The following CNOT4 variants were observed in gnomAD, a reference collection of about 807,000 sequenced individuals.
CNOT4 encodes the protein CCR4-NOT transcription complex subunit 4, also known as CCR4-associated factor 4.
A neutral mutation model predicts 73.8 loss-of-function variants in CNOT4; 8 were observed. The observed-to-expected ratio is 0.11, with a 90% CI of 0.06 to 0.20. The LOEUF (loss-of-function observed/expected upper bound fraction) is 0.20, where lower values mean the gene tolerates loss of function less well. Among genes scored for constraint, CNOT4 ranks in the 10% least tolerant of loss-of-function variants. The pLI is 1.00. For missense variants in CNOT4, 564 were observed against 883.4 expected, an observed-to-expected ratio of 0.64 and a Z score of 4.58; for synonymous variants, 293 against 321.1, an observed-to-expected ratio of 0.91 and a Z score of 0.94.
chr7:135,369,600 TAAAC>T (rs1000212059), intron 10 of CNOT4, among the ~76,000 whole-genome samples: 2 of 152,242 alleles, frequency 1.3e-5, no homozygotes, highest in Non-Finnish European at 2.9e-5. Context: ...TTAGGTTACT[TAAAC>T]AAATCTTTCT....
chr7:135,437,338 C>T (rs555168225), intron 2 of CNOT4, among the ~76,000 whole-genome samples: 86 of 152,120 alleles, frequency 5.7e-4, no homozygotes, highest in Non-Finnish European at 1.1e-3. Flanking sequence ...TATAGGTGCT[C>T]GCCACCACGC....
At chr7:135,386,410 A>C (rs1179695637) in intron 10 of CNOT4, 6 of 148,772 alleles carry the variant, frequency 4.0e-5, no homozygotes, top group Non-Finnish European at 7.4e-5. Flanking sequence ...GGAATTTAAC[A>C]ACAACAACAA....
At chr7:135,387,188 T>C in intron 10 of CNOT4, 5 of 983,884 alleles carry the variant, frequency 5.1e-6, no homozygotes, top group Non-Finnish European at 6.0e-6. Flanking sequence ...ATTGGCATTT[T>C]CCAAATTGGC....
intron 1 of CNOT4, among the ~76,000 whole-genome samples, chr7:135,464,714 C>T (rs1288872950): frequency 1.3e-5 from 2 of 151,556 alleles, no homozygotes; most frequent in Non-Finnish European, 1.5e-5. Flanking sequence ...AAATACAATG[C>T]TAATCAACAT....
chr7:135,390,383 A>G (rs1796338027), intron 10 of CNOT4, among the ~76,000 whole-genome samples: 2 of 152,188 alleles, frequency 1.3e-5, no homozygotes, highest in Admixed American at 1.3e-4. Context: ...TGGACAAAAC[A>G]AAGTCACGTT....
intron 6 of CNOT4, among the ~76,000 whole-genome samples, chr7:135,411,246 G>A (rs1797573523): frequency 6.6e-6 from 1 of 151,944 alleles, no homozygotes; most frequent in South Asian, 2.1e-4. Context: ...TCTAGACCCA[G>A]GGTCAGCAAT....
chr7:135,467,544 C>T (rs1344081872), intron 1 of CNOT4, among the ~76,000 whole-genome samples: 3 of 151,856 alleles, frequency 2.0e-5, no homozygotes, highest in African/African-American at 7.3e-5. Context: ...GACCCCATAT[C>T]CACAAAAATA....
In CNOT4 at chr7:135,398,171, G is replaced by T. The variant is rs1441781037; in HGVS notation, c.877C>A (p.Gln293Lys). The change falls in exon 8 of 12, where the codon CAG becomes AAG. Residue 293 changes from glutamine to lysine, a missense_variant and splice_region_variant. Gln to Lys is a moderately conservative substitution (Grantham distance 53, BLOSUM62 1). Around this residue, in one of 10 missense-constraint regions of CNOT4, gnomAD observed 135 missense variants for 154.0 expected, o/e 0.88. Coordinates refer to ENST00000541284, the MANE Select transcript of CNOT4 (RefSeq NM_001190850.2). ...GTGATACTGTATTCAAATCTTACCTGCTGGGAATTATCACCGTTCCCTATA... is the reference window on the plus strand; with the variant it reads ...GTGATACTGTATTCAAATCTTACCTTCTGGGAATTATCACCGTTCCCTATA... ...LSIGNGDNSQ[Q>K]ISNSDTPSPP... 5.9e-6 allele frequency: 9 copies of T among 1,514,824 alleles called. No individual in the cohort carries two copies. The highest frequency in any genetic ancestry group is 8.3e-6 in the Non-Finnish European group (9 of 1,090,744). The allele number at this position is 1,514,824 out of a possible 1,614,324, so 93.8% of individuals were successfully genotyped here. A position where few individuals can be genotyped will look rare whatever the true frequency, so the allele number is the denominator to read the frequency against.
At chr7:135,493,551 G>A (rs528758350) in intron 1 of CNOT4, among the ~76,000 whole-genome samples, 18 of 152,228 alleles carry the variant, frequency 1.2e-4, no homozygotes, top group Admixed American at 7.8e-4. Context: ...ACAATGGCAA[G>A]ATTTCAAGAG....
At chr7:135,369,121 T>C (rs1795062257) in intron 10 of CNOT4, among the ~76,000 whole-genome samples, 1 of 152,170 alleles carries the variant, frequency 6.6e-6, no homozygotes, top group African/African-American at 2.4e-5. Context: ...TTTCATGTAG[T>C]TTATGTATTA....
At position 135,471,325 on chromosome 7, in the gene CNOT4, G is replaced by A. The variant is rs114020676; in HGVS notation, c.-92-32902C>T. ...TCATTCAGAGACCACTCAAACAAAC[G>A]AAAACAGTTGATACTTTTAAGAAAC... On this transcript the variant is annotated intron_variant, in intron 1 of 11. Coordinates refer to ENST00000541284, the MANE Select transcript of CNOT4 (RefSeq NM_001190850.2). Among the ~76,000 whole-genome samples the A allele has an allele frequency of 3.7e-3, 552 of 149,958 alleles. 4 individuals are homozygous for A. Among genetic ancestry groups the A allele is most frequent in the African/African-American group, 0.013 (529 of 40,890 alleles).
At chr7:135,402,477 T>C (rs992533477) in intron 7 of CNOT4, among the ~76,000 whole-genome samples, 11 of 152,166 alleles carry the variant, frequency 7.2e-5, no homozygotes, top group African/African-American at 2.7e-4. Flanking sequence ...CTTTTTAAAA[T>C]ACATATATGC....
intron 1 of CNOT4, among the ~76,000 whole-genome samples, chr7:135,475,805 G>A (rs1040010645): frequency 6.6e-5 from 10 of 152,256 alleles, no homozygotes; most frequent in African/African-American, 2.4e-4. Flanking sequence ...CAGCTTCTCA[G>A]GAGTCTGAAG....
At chr7:135,490,147 G>A (rs952713695) in intron 1 of CNOT4, among the ~76,000 whole-genome samples, 1 of 152,096 alleles carries the variant, frequency 6.6e-6, no homozygotes, top group African/African-American at 2.4e-5. Context: ...TTTCACATAC[G>A]ATTTCTTCGT....
At chr7:135,500,353 CCA>C (rs1563086271) in intron 1 of CNOT4, among the ~76,000 whole-genome samples, 1 of 151,928 alleles carries the variant, frequency 6.6e-6, no homozygotes, top group Non-Finnish European at 1.5e-5. Flanking sequence ...CTTTTTTCCC[CCA>C]GCTTTAAAAT....
intron 2 of CNOT4, among the ~76,000 whole-genome samples, chr7:135,435,609 T>C (rs1434430999): frequency 6.6e-6 from 1 of 152,228 alleles, no homozygotes; most frequent in Non-Finnish European, 1.5e-5. Flanking sequence ...TTCTGTTTTG[T>C]TTCCTGTGTT....
rs191932412 is a variant in CNOT4, at chr7:135,451,392, C to G, written c.-92-12969G>C. Among the ~76,000 whole-genome samples, 323 of 152,274 alleles carry G rather than the reference C, an allele frequency of 2.1e-3. 1 individual carries two copies. Among genetic ancestry groups the G allele is most frequent in the African/African-American group, 7.0e-3 (289 of 41,558 alleles). On this transcript the variant is annotated intron_variant, in intron 1 of 11. Coordinates refer to ENST00000541284, the MANE Select transcript of CNOT4 (RefSeq NM_001190850.2). ...CATTGCAGCATCCACCTCCCGAGTT[C>G]AAGCAATTCTCATCCCTCAGATTTC...
At chr7:135,491,435 C>A (rs1252850504) in intron 1 of CNOT4, among the ~76,000 whole-genome samples, 1 of 152,080 alleles carries the variant, frequency 6.6e-6, no homozygotes, top group Admixed American at 6.6e-5. Context: ...AATGTAGTAG[C>A]CTAAAAGGCA....
In CNOT4 at chr7:135,362,966, G is replaced by C; in HGVS notation, c.2061C>G (p.Pro687=). The C allele has an allele frequency of 6.2e-7, 1 of 1,613,414 alleles. No homozygotes were observed. Among genetic ancestry groups the C allele is most frequent in the Non-Finnish European group, 8.5e-7 (1 of 1,179,592 alleles). Reference sequence around the variant, plus strand: ...GTCTGAAGGCTGTCTGAAAGCCTGGGGGTGGGGAGTGGAAGCTGGAAGGGT... The same window carrying C: ...GTCTGAAGGCTGTCTGAAAGCCTGGCGGTGGGGAGTGGAAGCTGGAAGGGT... ...PSNPSSFHSP[P]PGFQTAFRPP... is the part of the protein sequence containing the mutation. Residue 687 remains proline (P), a synonymous_variant, in exon 12 of 12, where the codon CCC becomes CCG. Coordinates refer to ENST00000541284, the MANE Select transcript of CNOT4 (RefSeq NM_001190850.2).
Sources: allele counts gnomAD v4.1 joint callset (sites outside exome capture counted in the v4.1 genomes callset), GRCh38; gene constraint gnomAD v4.1.1; regional missense constraint gnomAD v4.1.1; transcripts MANE v1.5; gene names NCBI Gene and HGNC (gene_info 2026-07-23, HGNC 2026-07-21).